Variants in UBE2E2 observed in about 807,000 individuals in gnomAD.
The protein encoded by UBE2E2 is ubiquitin-conjugating enzyme E2 E2.
A neutral mutation model predicts 24.7 loss-of-function variants in UBE2E2; 6 were observed. That is an observed-to-expected ratio of 0.24 (90% confidence interval 0.13 to 0.48). The LOEUF is 0.48. UBE2E2 is among the 20% of genes least tolerant of loss of function. UBE2E2 has a pLI of 0.99. For missense variants in UBE2E2, 169 were observed against 245.0 expected, an observed-to-expected ratio of 0.69 and a Z score of 2.07; for synonymous variants, 104 against 83.6, an observed-to-expected ratio of 1.24 and a Z score of -1.33.
chr3:23,539,572 TACTTCTA>T (rs1314343113), intron 5 of UBE2E2, among the ~76,000 whole-genome samples: 1 of 152,212 alleles, frequency 6.6e-6, no homozygotes, highest in Non-Finnish European at 1.5e-5. Flanking sequence ...TCTGTTTCCT[TACTTCTA>T]ACGCAGGGAG....
chr3:23,505,625 A>G (rs1047941724), intron 4 of UBE2E2, among the ~76,000 whole-genome samples: 7 of 152,328 alleles, frequency 4.6e-5, no homozygotes, highest in South Asian at 4.1e-4. Flanking sequence ...TAAGAATGAT[A>G]TTCAAAATCT....
chr3:23,443,094 C>T (rs879803733), intron 3 of UBE2E2, among the ~76,000 whole-genome samples: 10 of 152,176 alleles, frequency 6.6e-5, no homozygotes, highest in Non-Finnish European at 1.0e-4. Context: ...GCCATTATCC[C>T]TCTCGTGGCC....
chr3:23,266,564 T>C (rs902966068), intron 3 of UBE2E2, among the ~76,000 whole-genome samples: 1 of 152,082 alleles, frequency 6.6e-6, no homozygotes, highest in Non-Finnish European at 1.5e-5. Context: ...TCTCTCTGGC[T>C]GCCCTTAACA....
intron 3 of UBE2E2, among the ~76,000 whole-genome samples, chr3:23,331,183 C>G (rs1429869307): frequency 6.6e-6 from 1 of 152,108 alleles, no homozygotes; most frequent in African/African-American, 2.4e-5. Flanking sequence ...GTGGCACAAA[C>G]ACTTTTAAAA....
intron 3 of UBE2E2, among the ~76,000 whole-genome samples, chr3:23,245,893 C>T (rs558942518): frequency 6.6e-6 from 1 of 152,190 alleles, no homozygotes; most frequent in South Asian, 2.1e-4. Context: ...ATCCTCCCAC[C>T]AATTATTTGA....
intron 3 of UBE2E2, among the ~76,000 whole-genome samples, chr3:23,301,084 G>C (rs1309664343): frequency 6.6e-6 from 1 of 152,246 alleles, no homozygotes; most frequent in African/African-American, 2.4e-5. Context: ...ATTGGCTCCT[G>C]AGTCTTCTGC....
At chr3:23,495,662 G>C (rs549043292) in intron 3 of UBE2E2, among the ~76,000 whole-genome samples, 2 of 152,160 alleles carry the variant, frequency 1.3e-5, no homozygotes, top group Admixed American at 6.5e-5. Context: ...TTTAATTATA[G>C]CTCAGGGCAT....
At chr3:23,520,152 G>A in intron 4 of UBE2E2, among the ~76,000 whole-genome samples, 1 of 151,256 alleles carries the variant, frequency 6.6e-6, no homozygotes, top group Non-Finnish European at 1.5e-5. Context: ...AGGGTGTGGG[G>A]TTTTCATTTG....
At chr3:23,461,730 G>A (rs1241534363) in intron 3 of UBE2E2, among the ~76,000 whole-genome samples, 1 of 151,982 alleles carries the variant, frequency 6.6e-6, no homozygotes, top group East Asian at 1.9e-4. Context: ...GATATCTCCA[G>A]TATTAGATGA....
intron 5 of UBE2E2, among the ~76,000 whole-genome samples, chr3:23,539,304 A>G (rs1695334488): frequency 6.6e-6 from 1 of 152,222 alleles, no homozygotes; most frequent in Non-Finnish European, 1.5e-5. Flanking sequence ...CTTACTAGAA[A>G]TGCTGACCTG....
intron 3 of UBE2E2, among the ~76,000 whole-genome samples, chr3:23,370,569 G>T (rs1696375566): frequency 6.6e-6 from 1 of 152,128 alleles, no homozygotes; most frequent in Admixed American, 6.6e-5. Flanking sequence ...CTTTCTAAAT[G>T]AATTTTAGTA....
At chr3:23,343,829 T>C (rs1376492358) in intron 3 of UBE2E2, among the ~76,000 whole-genome samples, 1 of 152,228 alleles carries the variant, frequency 6.6e-6, no homozygotes, top group East Asian at 1.9e-4. Flanking sequence ...TACTTTCCTA[T>C]GTCTGGTTTC....
At chr3:23,536,727 A>G (rs1695272647) in intron 5 of UBE2E2, among the ~76,000 whole-genome samples, 1 of 152,248 alleles carries the variant, frequency 6.6e-6, no homozygotes, top group Admixed American at 6.5e-5. Context: ...GAAAGATTGT[A>G]GATGGGGAGG....
At chr3:23,375,820 C>G (rs1410328731) in intron 3 of UBE2E2, among the ~76,000 whole-genome samples, 1 of 152,148 alleles carries the variant, frequency 6.6e-6, no homozygotes, top group Admixed American at 6.6e-5. Context: ...GAAAAGTTCA[C>G]TCTTGTTGCA....
At chr3:23,206,096 G>C (rs1559438102) in intron 1 of UBE2E2, among the ~76,000 whole-genome samples, 1 of 152,122 alleles carries the variant, frequency 6.6e-6, no homozygotes, top group African/African-American at 2.4e-5. Context: ...GGAATGGATT[G>C]CTCCTGTTTT....
intron 3 of UBE2E2, among the ~76,000 whole-genome samples, chr3:23,402,578 T>C (rs1383928284): frequency 3.3e-5 from 5 of 152,188 alleles, no homozygotes; most frequent in Admixed American, 3.3e-4. Context: ...CATCTTTGGT[T>C]TGGAAATTAT....
intron 3 of UBE2E2, among the ~76,000 whole-genome samples, chr3:23,217,540 A>G (rs1696510547): frequency 6.6e-6 from 1 of 152,114 alleles, no homozygotes; most frequent in Non-Finnish European, 1.5e-5. Context: ...AAGTAGTGTA[A>G]TGCAATAACA....
intron 4 of UBE2E2, among the ~76,000 whole-genome samples, chr3:23,531,278 T>C (rs1048661627): frequency 6.6e-6 from 1 of 152,202 alleles, no homozygotes; most frequent in East Asian, 1.9e-4. Flanking sequence ...TTCAGAGCTA[T>C]TTTGAACATA....
chr3:23,227,274 G>A (rs921521522), intron 3 of UBE2E2, among the ~76,000 whole-genome samples: 1 of 152,036 alleles, frequency 6.6e-6, no homozygotes, highest in African/African-American at 2.4e-5. Context: ...CAACTCTCTG[G>A]TTGTATTTGA....
Sources: gnomAD v4.1 joint callset for allele counts (sites outside exome capture counted in the v4.1 genomes callset) on GRCh38, gnomAD v4.1.1 for gene constraint, MANE v1.5 for transcripts, NCBI Gene and HGNC (gene_info 2026-07-23, HGNC 2026-07-21) for gene names.